PTPRT: variants seen among roughly 807,000 people sequenced by gnomAD.
The protein encoded by PTPRT is receptor-type tyrosine-protein phosphatase T.
PTPRT carries 56 observed loss-of-function variants against 176.8 expected under a neutral mutation model. The ratio of observed to expected loss-of-function variants is 0.32; its 90% confidence interval spans 0.26 to 0.40. The LOEUF (loss-of-function observed/expected upper bound fraction) is 0.40, where lower values mean the gene tolerates loss of function less well. Among genes scored for constraint, PTPRT ranks in the 10% least tolerant of loss-of-function variants. The probability of loss-of-function intolerance (pLI) is 1.00; values close to 1 mark genes in which losing one functional copy is unlikely to be tolerated. For synonymous variants in PTPRT, 783 were observed against 739.0 expected (o/e 1.06, Z -0.96); for missense variants, 1,540 against 1,908.2 (o/e 0.81, Z 3.60).
intron 2 of PTPRT, among the ~76,000 whole-genome samples, chr20:42,839,062 C>T (rs979723996): frequency 6.6e-6 from 1 of 152,128 alleles, no homozygotes; most frequent in Non-Finnish European, 1.5e-5. Flanking sequence ...GAGGCCAGGG[C>T]TCAATATGAT....
At chr20:42,237,438 A>C (rs1201290163) in intron 14 of PTPRT, among the ~76,000 whole-genome samples, 1 of 152,218 alleles carries the variant, frequency 6.6e-6, no homozygotes, top group Non-Finnish European at 1.5e-5. Context: ...AACTGTGTTC[A>C]CAGAAGTCTG....
At chr20:42,863,692 C>A (rs1018537755) in intron 2 of PTPRT, among the ~76,000 whole-genome samples, 2 of 152,152 alleles carry the variant, frequency 1.3e-5, no homozygotes, top group Non-Finnish European at 2.9e-5. Context: ...GATGTAAACT[C>A]CATCCCCTAA....
intron 1 of PTPRT, among the ~76,000 whole-genome samples, chr20:42,931,537 T>G (rs1979847995): frequency 6.6e-6 from 1 of 152,140 alleles, no homozygotes; most frequent in South Asian, 2.1e-4. Context: ...AGAAGAGAAG[T>G]GGAGCCTACG....
intron 2 of PTPRT, among the ~76,000 whole-genome samples, chr20:42,814,373 T>A (rs1223796373): frequency 3.3e-5 from 5 of 152,206 alleles, no homozygotes; most frequent in Non-Finnish European, 5.9e-5. Context: ...ACACTTTCCA[T>A]AAGTAAGTTG....
intron 15 of PTPRT, among the ~76,000 whole-genome samples, chr20:42,231,571 C>T (rs940229547): frequency 9.2e-5 from 14 of 152,136 alleles, no homozygotes; most frequent in African/African-American, 2.9e-4. Context: ...ACATCAGGCA[C>T]GGGATAAAGT....
At chr20:42,271,044 T>C (rs1328772011) in intron 13 of PTPRT, among the ~76,000 whole-genome samples, 5 of 152,182 alleles carry the variant, frequency 3.3e-5, no homozygotes, top group Non-Finnish European at 5.9e-5. Flanking sequence ...TCCAGTCTTG[T>C]TCCCCTTCAG....
At chr20:42,766,967 T>C (rs1450945437) in intron 5 of PTPRT, among the ~76,000 whole-genome samples, 1 of 152,178 alleles carries the variant, frequency 6.6e-6, no homozygotes, top group East Asian at 1.9e-4. Context: ...ATTCTCAGGC[T>C]AAGTCACCCC....
intron 7 of PTPRT, among the ~76,000 whole-genome samples, chr20:42,496,050 G>GA (rs986623494): frequency 6.6e-6 from 1 of 152,032 alleles, no homozygotes; most frequent in Admixed American, 6.6e-5. Flanking sequence ...GTAAGCTAGA[G>GA]AAAAAAATAT....
intron 7 of PTPRT, among the ~76,000 whole-genome samples, chr20:42,566,937 T>C (rs920574482): frequency 6.6e-6 from 1 of 152,172 alleles, no homozygotes; most frequent in Non-Finnish European, 1.5e-5. Flanking sequence ...TCGTAACTTT[T>C]CCATGAATCT....
Position 42,104,681 on chromosome 20 carries a change from G to A in PTPRT, c.3428C>T (p.Ala1143Val), listed in dbSNP as rs1986264299. The A allele has an allele frequency of 2.5e-6, 4 of 1,590,184 alleles. No individual in the cohort carries two copies. Among genetic ancestry groups the A allele is most frequent in the South Asian group, 1.1e-5 (1 of 90,588 alleles). Residue 1143 changes from alanine to valine, a missense_variant, in exon 25 of 31, where the codon GCG (alanine) becomes GTG (valine). This residue lies in a region of PTPRT where 248 missense variants were observed against 356.7 expected (regional missense o/e 0.70). Transcript: ENST00000373187. ...GATGGCAGTGTTGCCACAGAGGCAC[G>A]CTTCCAGGATGGCATCGTGCACAAA... ...YVFVHDAILE[A>V]CLCGNTAIPV...
chr20:42,054,492 GC>G, the PTPRT span, among the ~76,000 whole-genome samples: 100 of 152,284 alleles, frequency 6.6e-4, no homozygotes, highest in African/African-American at 2.3e-3. Context: ...AGATGGAGGG[GC>G]CCCCAGGGAT....
At chr20:42,546,121 A>T (rs1412392599) in intron 7 of PTPRT, among the ~76,000 whole-genome samples, 1 of 152,204 alleles carries the variant, frequency 6.6e-6, no homozygotes, top group Non-Finnish European at 1.5e-5. Context: ...ATTTGCACTG[A>T]TAAAAGAAAA....
intron 1 of PTPRT, among the ~76,000 whole-genome samples, chr20:43,050,117 C>T (rs143275236): frequency 4.6e-5 from 7 of 152,252 alleles, no homozygotes; most frequent in Admixed American, 6.5e-5. Context: ...AGCTCCAGGG[C>T]ACCACACAGG....
chr20:42,471,403 G>C (rs1216461486), intron 8 of PTPRT, among the ~76,000 whole-genome samples: 1 of 152,112 alleles, frequency 6.6e-6, no homozygotes, highest in African/African-American at 2.4e-5. Flanking sequence ...CTTCGCGACA[G>C]TGAGTGAATT....
At chr20:42,346,035 T>C (rs1394777224) in intron 11 of PTPRT, among the ~76,000 whole-genome samples, 6 of 151,996 alleles carry the variant, frequency 3.9e-5, no homozygotes, top group African/African-American at 7.2e-5. Context: ...GGGGGGTGGA[T>C]TGAAGGATGA....
chr20:42,517,404 T>G (rs2072089101), intron 7 of PTPRT, among the ~76,000 whole-genome samples: 1 of 151,956 alleles, frequency 6.6e-6, no homozygotes, highest in Non-Finnish European at 1.5e-5. Flanking sequence ...CTTTTTTTCA[T>G]TTTACCTTGG....
At chr20:42,092,659 G>A (rs1307065141) in intron 27 of PTPRT, among the ~76,000 whole-genome samples, 1 of 152,108 alleles carries the variant, frequency 6.6e-6, no homozygotes, top group East Asian at 1.9e-4. Flanking sequence ...ATGCAGGTTG[G>A]GTATTTTGCA....
chr20:42,580,195 T>C (rs1353284449), intron 7 of PTPRT, among the ~76,000 whole-genome samples: 1 of 152,236 alleles, frequency 6.6e-6, no homozygotes, highest in African/African-American at 2.4e-5. Context: ...CTCAGGTTTG[T>C]CAAAGATCAG....
At chr20:42,519,940 A>C in intron 7 of PTPRT, among the ~76,000 whole-genome samples, 1 of 152,132 alleles carries the variant, frequency 6.6e-6, no homozygotes, top group East Asian at 1.9e-4. Flanking sequence ...TATTTGGTAC[A>C]TACAAATTTA....
Sources: allele counts gnomAD v4.1 joint callset (sites outside exome capture counted in the v4.1 genomes callset), GRCh38; gene constraint gnomAD v4.1.1; regional missense constraint gnomAD v4.1.1; transcripts MANE v1.5; gene names NCBI Gene and HGNC (gene_info 2026-07-23, HGNC 2026-07-21).